EXOC6: variants seen among roughly 807,000 people sequenced by gnomAD.
EXOC6 encodes SEC15-like 1.
In EXOC6, 60 loss-of-function variants were observed where a neutral mutation model predicts 112.5. That is an observed-to-expected ratio of 0.53 (90% CI 0.43 to 0.66). The LOEUF is 0.66. Ranked by LOEUF, EXOC6 falls within the 30% of genes least tolerant of loss-of-function variation. EXOC6 has a pLI of 0.00. For synonymous variants in EXOC6, 295 were observed against 308.0 expected, an observed-to-expected ratio of 0.96 and a Z score of 0.44; for missense variants, 855 against 957.1, an observed-to-expected ratio of 0.89 and a Z score of 1.41.
intron 1 of EXOC6, among the ~76,000 whole-genome samples, chr10:92,841,526 G>T (rs1846851018): frequency 6.6e-6 from 1 of 152,112 alleles, no homozygotes; most frequent in Non-Finnish European, 1.5e-5. Context: ...AAATAAATTT[G>T]GGCCTAACTG....
chr10:92,914,086 C>G (rs1468149282), intron 6 of EXOC6, among the ~76,000 whole-genome samples: 1 of 152,194 alleles, frequency 6.6e-6, no homozygotes, highest in Non-Finnish European at 1.5e-5. Context: ...CCTTTAGGAA[C>G]CAGGCCACAC....
upstream of EXOC6, chr10:92,834,665 T>C: frequency 8.1e-7 from 1 of 1,234,482 alleles, no homozygotes. Flanking sequence ...CGGTATTTTT[T>C]TTTTTATAAA....
intron 8 of EXOC6, among the ~76,000 whole-genome samples, chr10:92,926,110 A>G (rs1279981874): frequency 6.6e-6 from 1 of 151,752 alleles, no homozygotes; most frequent in African/African-American, 2.4e-5. Flanking sequence ...ACCAGAAAGT[A>G]TATTATTAAT....
chr10:92,902,484 G>C (rs535743156), intron 5 of EXOC6, among the ~76,000 whole-genome samples: 1 of 151,444 alleles, frequency 6.6e-6, no homozygotes, highest in South Asian at 2.1e-4. Context: ...AAAAATTTCT[G>C]CTAATTTTTA....
At chr10:92,927,967 C>T (rs1851816597) in intron 8 of EXOC6, among the ~76,000 whole-genome samples, 1 of 152,064 alleles carries the variant, frequency 6.6e-6, no homozygotes, top group Non-Finnish European at 1.5e-5. Context: ...ATAACATGCT[C>T]ATGTTACACA....
At chr10:92,859,410 T>C (rs1032440967) in intron 1 of EXOC6, among the ~76,000 whole-genome samples, 2 of 152,340 alleles carry the variant, frequency 1.3e-5, no homozygotes, top group South Asian at 4.1e-4. Context: ...CTGTTAAACT[T>C]TCTGCCTTCG....
At chr10:92,860,261 A>G in intron 1 of EXOC6, among the ~76,000 whole-genome samples, 1 of 134,708 alleles carries the variant, frequency 7.4e-6, no homozygotes, top group South Asian at 2.4e-4. Flanking sequence ...ATCTATCTCC[A>G]CAACTTTTTT....
chr10:93,039,041 G>A (rs907147879), intron 20 of EXOC6, among the ~76,000 whole-genome samples: 1 of 151,876 alleles, frequency 6.6e-6, no homozygotes, highest in Non-Finnish European at 1.5e-5. Flanking sequence ...AAAAAAGGCC[G>A]GTCATGGTGG....
rs142559781 is a variant in EXOC6, at chr10:92,948,359, C to G, written c.1396C>G (p.Gln466Glu). Residue 466 changes from glutamine to glutamate, a missense_variant, in exon 14 of 22, where the codon CAA (glutamine) becomes GAA (glutamate). Gln to Glu is a conservative substitution (Grantham distance 29). Transcript: ENST00000260762. ...YKIVISKFPF[Q>E]DPDLEKQSFP... ...AATTGTCATCAGCAAATTTCCCTTT[C>G]AAGATCCAGACCTTGAAAAGGTACA... 1.9e-4 allele frequency: 299 copies of G among 1,598,952 alleles called. No homozygotes were observed. Among genetic ancestry groups the G allele is most frequent in the Non-Finnish European group, 2.5e-4 (287 of 1,170,854 alleles).
At position 93,057,329 on chromosome 10, in the gene EXOC6, C is replaced by G. The variant is rs192083236; in HGVS notation, c.2282+293C>G. 4.4e-3 allele frequency among the ~76,000 whole-genome samples: 671 copies of G among 151,564 alleles called. 4 individuals are homozygous for G. Among genetic ancestry groups the G allele is most frequent in the Non-Finnish European group, 7.7e-3 (523 of 67,886 alleles). On this transcript the variant is annotated intron_variant, in intron 21 of 21. Coordinates refer to ENST00000260762, the MANE Select transcript of EXOC6 (RefSeq NM_019053.6). ...TTTACTGGGGATGTGACAATTGGAG[C>G]TTTCTTTAAAAAAAAAAGTCTATAA...
At chr10:93,003,447 G>A (rs1008523994) in intron 19 of EXOC6, among the ~76,000 whole-genome samples, 4 of 152,184 alleles carry the variant, frequency 2.6e-5, no homozygotes, top group African/African-American at 9.7e-5. Context: ...GAAACAATGT[G>A]TTGGTGCTCT....
intron 1 of EXOC6, among the ~76,000 whole-genome samples, chr10:92,888,194 T>C (rs957800916): frequency 1.3e-5 from 2 of 152,206 alleles, no homozygotes; most frequent in African/African-American, 4.8e-5. Flanking sequence ...CCTCTCAGGC[T>C]TTGGTTTTCT....
Position 92,899,640 on chromosome 10 carries a change from A to G in EXOC6, c.454A>G (p.Lys152Glu), listed in dbSNP as rs769874777. The G allele has an allele frequency of 6.2e-7, 1 of 1,607,506 alleles. No homozygotes were observed. Among genetic ancestry groups the G allele is most frequent in the African/African-American group, 1.3e-5 (1 of 74,712 alleles). The change falls in exon 5 of 22, where the codon AAA (lysine) becomes GAA (glutamate). Residue 152 changes from lysine (K) to glutamate (E), a missense_variant. Coordinates refer to ENST00000260762, the MANE Select transcript of EXOC6 (RefSeq NM_019053.6). ...YSKLKEQMSA[K>E]RYYSALKTME... ...TAAGCTGAAAGAACAGATGAGTGCC[A>G]AAAGGTGAGTTGGTTTTTTTCCTAT... is the stretch of plus-strand genomic sequence containing the variant.
At chr10:92,968,522 C>A (rs1842157950) in intron 17 of EXOC6, among the ~76,000 whole-genome samples, 1 of 152,064 alleles carries the variant, frequency 6.6e-6, no homozygotes, top group Admixed American at 6.6e-5. Context: ...ATGTTTAATA[C>A]CCATTTTTTT....
intron 1 of EXOC6, among the ~76,000 whole-genome samples, chr10:92,843,258 T>C (rs1415196488): frequency 6.6e-6 from 1 of 152,122 alleles, no homozygotes; most frequent in Non-Finnish European, 1.5e-5. Flanking sequence ...TCTCTTGCAC[T>C]TACAGAGTGT....
At chr10:93,043,035 C>G (rs1845855858) in intron 20 of EXOC6, among the ~76,000 whole-genome samples, 1 of 151,920 alleles carries the variant, frequency 6.6e-6, no homozygotes, top group African/African-American at 2.4e-5. Context: ...CTCCTGGGTT[C>G]AAGCAATTCT....
chr10:93,000,805 C>T (rs1843726179), intron 19 of EXOC6, among the ~76,000 whole-genome samples: 1 of 152,066 alleles, frequency 6.6e-6, no homozygotes, highest in Admixed American at 6.5e-5. Flanking sequence ...TTCCAAAAGA[C>T]ATCTTTTTAC....
intron 20 of EXOC6, among the ~76,000 whole-genome samples, chr10:93,055,016 T>C (rs1846474478): frequency 6.6e-6 from 1 of 152,154 alleles, no homozygotes; most frequent in Non-Finnish European, 1.5e-5. Context: ...TTTTAAAAAT[T>C]ACTATTTTAG....
At chr10:92,943,187 T>G (rs1411943118) in intron 13 of EXOC6, among the ~76,000 whole-genome samples, 3 of 151,936 alleles carry the variant, frequency 2.0e-5, no homozygotes, top group Non-Finnish European at 4.4e-5. Flanking sequence ...CCCGGCTAAT[T>G]TTTTGTACTT....
Sources: allele counts gnomAD v4.1 joint callset (sites outside exome capture counted in the v4.1 genomes callset), GRCh38; gene constraint gnomAD v4.1.1; transcripts MANE v1.5; gene names NCBI Gene and HGNC (gene_info 2026-07-23, HGNC 2026-07-21).